Variants in FHIT observed in about 807,000 individuals in gnomAD.
The protein encoded by FHIT is fragile histidine triad diadenosine triphosphatase, also known as bis(5'-adenosyl)-triphosphatase.
In FHIT, 19 loss-of-function variants were observed where a neutral mutation model predicts 17.9. The ratio of observed to expected loss-of-function variants is 1.06; its 90% CI spans 0.74 to 1.56. The LOEUF (loss-of-function observed/expected upper bound fraction) is 1.56, where lower values mean the gene tolerates loss of function less well. Ranked by LOEUF, FHIT falls within the 40% of genes most tolerant of loss-of-function variation. The probability of loss-of-function intolerance (pLI) is 0.00; values close to 1 mark genes in which losing one functional copy is unlikely to be tolerated. For synonymous variants in FHIT, 81 were observed against 69.7 expected, an observed-to-expected ratio of 1.16 and a Z score of -0.81; for missense variants, 248 against 189.2, an observed-to-expected ratio of 1.31 and a Z score of -1.82.
At chr3:60,553,018 C>T (rs1004612602) in intron 4 of FHIT, among the ~76,000 whole-genome samples, 1 of 152,140 alleles carries the variant, frequency 6.6e-6, no homozygotes, top group African/African-American at 2.4e-5. Context: ...GAGGGAATGG[C>T]GCCCTGTCCA....
At chr3:60,778,480 G>C (rs1553725008) in intron 4 of FHIT, among the ~76,000 whole-genome samples, 1 of 152,172 alleles carries the variant, frequency 6.6e-6, no homozygotes, top group Non-Finnish European at 1.5e-5. Flanking sequence ...TAGCCAAATG[G>C]ACTGAACTCA....
intron 5 of FHIT, among the ~76,000 whole-genome samples, chr3:60,052,558 G>A (rs1365829662): frequency 2.0e-5 from 3 of 152,000 alleles, no homozygotes; most frequent in African/African-American, 2.4e-5. Context: ...CCTAGAAATC[G>A]ATCTGTCATA....
intron 4 of FHIT, among the ~76,000 whole-genome samples, chr3:60,565,216 G>C (rs1576888994): frequency 6.6e-6 from 1 of 152,086 alleles, no homozygotes; most frequent in South Asian, 2.1e-4. Flanking sequence ...TATGCATTGG[G>C]AAACTAAAAT....
At chr3:60,152,909 T>C (rs1352904509) in intron 5 of FHIT, among the ~76,000 whole-genome samples, 2 of 152,156 alleles carry the variant, frequency 1.3e-5, no homozygotes, top group Non-Finnish European at 2.9e-5. Flanking sequence ...TCAGGATCCA[T>C]TCATGCTCAT....
intron 5 of FHIT, among the ~76,000 whole-genome samples, chr3:60,097,076 G>T (rs1280797192): frequency 6.7e-6 from 1 of 149,706 alleles, no homozygotes; most frequent in Non-Finnish European, 1.5e-5. Flanking sequence ...AAGAATTAGG[G>T]TCTCCATGTA....
intron 5 of FHIT, among the ~76,000 whole-genome samples, chr3:60,316,707 C>G (rs1191764374): frequency 6.6e-6 from 1 of 152,198 alleles, no homozygotes; most frequent in Non-Finnish European, 1.5e-5. Context: ...TTTTTCAAAA[C>G]TGTTCTGTAA....
chr3:60,226,832 T>C (rs1311480582), intron 5 of FHIT, among the ~76,000 whole-genome samples: 1 of 152,178 alleles, frequency 6.6e-6, no homozygotes, highest in Non-Finnish European at 1.5e-5. Context: ...TGATATCCCA[T>C]CTTGTCTCTA....
intron 5 of FHIT, among the ~76,000 whole-genome samples, chr3:60,130,022 T>G (rs1315245143): frequency 6.6e-6 from 1 of 152,164 alleles, no homozygotes; most frequent in Non-Finnish European, 1.5e-5. Context: ...ACACACTCGA[T>G]GTCCAAATTC....
chr3:60,965,859 A>G (rs1347497674), intron 3 of FHIT, among the ~76,000 whole-genome samples: 1 of 152,170 alleles, frequency 6.6e-6, no homozygotes, highest in African/African-American at 2.4e-5. Context: ...ACTGGGAGGT[A>G]TCTCCCAGTT....
At chr3:61,076,340 A>G (rs2034970321) in intron 2 of FHIT, among the ~76,000 whole-genome samples, 1 of 152,168 alleles carries the variant, frequency 6.6e-6, no homozygotes, top group African/African-American at 2.4e-5. Flanking sequence ...CTTTCATAAT[A>G]GCTTAGGTCA....
chr3:59,921,108 T>G (rs923824280), intron 8 of FHIT, among the ~76,000 whole-genome samples: 1 of 152,220 alleles, frequency 6.6e-6, no homozygotes, highest in East Asian at 1.9e-4. Context: ...AGTACAGCTC[T>G]TGGAAAACAT....
intron 5 of FHIT, among the ~76,000 whole-genome samples, chr3:60,501,925 C>G (rs746428775): frequency 6.6e-6 from 1 of 152,176 alleles, no homozygotes; most frequent in Non-Finnish European, 1.5e-5. Flanking sequence ...GCATCTTTGC[C>G]ATCCAGGCGG....
intron 8 of FHIT, among the ~76,000 whole-genome samples, chr3:59,809,284 G>A (rs945174160): frequency 6.6e-6 from 1 of 152,176 alleles, no homozygotes; most frequent in Non-Finnish European, 1.5e-5. Flanking sequence ...CATCAACGGA[G>A]GGCAGAAGGC....
At chr3:59,891,960 G>A (rs551243143) in intron 8 of FHIT, among the ~76,000 whole-genome samples, 12 of 152,264 alleles carry the variant, frequency 7.9e-5, no homozygotes, top group Admixed American at 3.9e-4. Context: ...ATGAAACTGC[G>A]TTGTCTCCAA....
At chr3:60,442,496 G>C (rs532233076) in intron 5 of FHIT, among the ~76,000 whole-genome samples, 1 of 152,094 alleles carries the variant, frequency 6.6e-6, no homozygotes, top group African/African-American at 2.4e-5. Flanking sequence ...CATATGGCTA[G>C]CCAGTTTTCC....
chr3:60,051,114 A>G (rs900319672), intron 5 of FHIT, among the ~76,000 whole-genome samples: 1 of 152,160 alleles, frequency 6.6e-6, no homozygotes, highest in African/African-American at 2.4e-5. Context: ...TCTGGTCTGC[A>G]TAACAGGAGG....
chr3:60,650,059 C>G (rs949498224), intron 4 of FHIT, among the ~76,000 whole-genome samples: 1 of 152,336 alleles, frequency 6.6e-6, no homozygotes, highest in South Asian at 2.1e-4. Flanking sequence ...GGCCAGAAAA[C>G]TCAGTCTATA....
intron 3 of FHIT, among the ~76,000 whole-genome samples, chr3:61,000,776 G>A (rs1430699871): frequency 6.6e-6 from 1 of 152,098 alleles, no homozygotes; most frequent in Non-Finnish European, 1.5e-5. Flanking sequence ...CAGCAACAGG[G>A]AGAGCCTGCT....
At chr3:61,224,210 A>T (rs2039909238) in intron 1 of FHIT, among the ~76,000 whole-genome samples, 5 of 152,228 alleles carry the variant, frequency 3.3e-5, no homozygotes. Context: ...ACATATCTAC[A>T]ACATTCCTTA....
Sources: gnomAD v4.1 joint callset for allele counts (sites outside exome capture counted in the v4.1 genomes callset) on GRCh38, gnomAD v4.1.1 for gene constraint, MANE v1.5 for transcripts, NCBI Gene and HGNC (gene_info 2026-07-23, HGNC 2026-07-21) for gene names.